KCTD7: variants seen among roughly 807,000 people sequenced by gnomAD.
KCTD7 encodes the protein BTB/POZ domain-containing protein KCTD7.
A neutral mutation model predicts 27.0 loss-of-function variants in KCTD7; 15 were observed. That is an observed-to-expected ratio of 0.56 (90% CI 0.37 to 0.86). The LOEUF is 0.86. Among genes scored for constraint, KCTD7 ranks in the 40% least tolerant of loss-of-function variants. The probability of loss-of-function intolerance (pLI) is 0.00; values close to 1 mark genes in which losing one functional copy is unlikely to be tolerated. For synonymous variants in KCTD7, 159 were observed against 162.7 expected, an observed-to-expected ratio of 0.98 and a Z score of 0.17; for missense variants, 299 against 398.9, an observed-to-expected ratio of 0.75 and a Z score of 2.13.
rs1187226753 is a variant in KCTD7, at chr7:66,638,854, A to G, written c.494-2A>G. On this transcript the variant is annotated splice_acceptor_variant, in intron 3 of 3. Transcript: ENST00000639828. LOFTEE classifies it high-confidence loss of function. The stretch of plus-strand genomic sequence containing the variant: ...TGATAGGTGTTGTGTTCATCCTTAT[A>G]GACCACTTGGAGCGGATTGTGGAGA... 1 of 1,613,958 alleles carries G rather than the reference A, an allele frequency of 6.2e-7. No homozygotes were observed. The highest frequency in any genetic ancestry group is 8.5e-7 in the Non-Finnish European group (1 of 1,180,020).
At chr7:66,632,601 CAGA>C (rs777650230) in intron 1 of KCTD7, among the ~76,000 whole-genome samples, 1 of 151,822 alleles carries the variant, frequency 6.6e-6, no homozygotes, top group Non-Finnish European at 1.5e-5. Context: ...GCCATATAGA[CAGA>C]AGAAGGAGAC....
intron 2 of KCTD7, among the ~76,000 whole-genome samples, chr7:66,635,081 C>T (rs1490173693): frequency 6.7e-6 from 1 of 149,704 alleles, no homozygotes; most frequent in East Asian, 2.0e-4. Flanking sequence ...GATGCAAGCA[C>T]AGCTCACTAC....
At chr7:66,643,102 C>T, downstream of KCTD7, 1 of 985,388 alleles carries the variant, frequency 1.0e-6, no homozygotes, top group South Asian at 4.7e-5. Flanking sequence ...TTCTCTGACC[C>T]CCACTTTGCC....
rs763830869 is a variant in KCTD7, at chr7:66,639,152, A to G, written c.790A>G (p.Ile264Val). 8 of 1,614,144 alleles carry G rather than the reference A, an allele frequency of 5.0e-6. No homozygotes were observed. Among genetic ancestry groups the G allele is most frequent in the Non-Finnish European group, 6.8e-6 (8 of 1,180,016 alleles). ...GGGTCTCACCGTGGACCACCAGTGC[A>G]TCGGGGTGTGTGACAAGCACCTCGT... ...AQGLTVDHQC[I>V]GVCDKHLVNH... Residue 264 changes from isoleucine to valine, a missense_variant, in exon 4 of 4, where the codon ATC becomes GTC. Transcript: ENST00000639828.
chr7:66,634,128 A>ATATATATATAT (rs1306450803), intron 2 of KCTD7, among the ~76,000 whole-genome samples: 1 of 146,264 alleles, frequency 6.8e-6, no homozygotes, highest in African/African-American at 2.5e-5. Context: ...ATATATATAT[A>ATATATATATAT]TATATATATG....
chr7:66,638,366 A>G lies in KCTD7; in HGVS notation c.428A>G (p.Asn143Ser), dbSNP rs1786634540. 6.2e-7 allele frequency: 1 copy of G among 1,614,246 alleles called. No individual in the cohort carries two copies. The highest frequency in any genetic ancestry group is 1.7e-5 in the Admixed American group (1 of 60,018). The change falls in exon 3 of 4, where the codon AAC (asparagine) becomes AGC (serine). Residue 143 changes from asparagine (N) to serine (S), a missense_variant. By Grantham distance (46) the Asn-to-Ser change is conservative. Coordinates refer to ENST00000639828, the MANE Select transcript of KCTD7 (RefSeq NM_153033.5). ...GGGCCCCTCCTGGAGCAGCTGGAGA[A>G]CATGCAGCCACTGAAGGGCGAGAAG... ...AIGPLLEQLENMQPLKGEKVR... is the reference protein window; with the variant it reads ...AIGPLLEQLESMQPLKGEKVR...
chr7:66,634,117 T>TATAA (rs1415595625), intron 2 of KCTD7, among the ~76,000 whole-genome samples: 4 of 132,664 alleles, frequency 3.0e-5, no homozygotes, highest in Non-Finnish European at 6.6e-5. Flanking sequence ...TGTATACATA[T>TATAA]ATATATATAT....
rs891415166 is a variant in KCTD7 at position 66,640,678 on chromosome 7, T to C, written c.*1446T>C. 8.5e-6 allele frequency: 11 copies of C among 1,294,846 alleles called. No homozygotes were observed. In the African/African-American group the frequency reaches 1.5e-4, roughly 18 times the overall value. 80.2% of individuals were successfully genotyped at this position (1,294,846 alleles called of 1,614,324 possible). On this transcript the variant is annotated 3_prime_UTR_variant, in exon 4 of 4. Coordinates refer to ENST00000639828, the MANE Select transcript of KCTD7 (RefSeq NM_153033.5). ...AGTCCCAGCTACTTGGGCACACGCC[T>C]GTAGTCCAGGCCACTCGAGCACACA...
chr7:66,642,792 CTG>C lies in KCTD7; in HGVS notation c.*3564_*3565del. The C allele has an allele frequency of 1.0e-6, 1 of 985,090 alleles. No individual in the cohort carries two copies. The highest frequency in any genetic ancestry group is 1.2e-6 in the Non-Finnish European group (1 of 829,898). 61.0% of individuals were successfully genotyped at this position (985,090 alleles called of 1,614,324 possible). On this transcript the variant is annotated 3_prime_UTR_variant, in exon 4 of 4. Transcript: ENST00000639828. Reference sequence around the variant, plus strand: ...TTTTGGAATTCTGAAAGAATCATATCTGTGTATATACATACTGAGTGGGGAAG... The same window carrying C: ...TTTTGGAATTCTGAAAGAATCATATCTGTATATACATACTGAGTGGGGAAG...
In KCTD7 at chr7:66,640,698, C is replaced by T. The variant is rs1786695521; in HGVS notation, c.*1466C>T. 1.1e-5 allele frequency: 14 copies of T among 1,232,204 alleles called. No individual in the cohort carries two copies. In the South Asian group the frequency reaches 2.9e-4, roughly 26 times the overall value. The allele number at this position is 1,232,204 out of a possible 1,614,324, so 76.3% of individuals were successfully genotyped here. A position where few individuals can be genotyped will look rare whatever the true frequency, so the allele number is the denominator to read the frequency against. On this transcript the variant is annotated 3_prime_UTR_variant, in exon 4 of 4. Coordinates refer to ENST00000639828, the MANE Select transcript of KCTD7 (RefSeq NM_153033.5). ...ACGCCTGTAGTCCAGGCCACTCGAG[C>T]ACACACCTGTAGTACCAGCTACTCT...
In KCTD7 at chr7:66,641,746, C is replaced by G. The variant is rs1048465447; in HGVS notation, c.*2514C>G. 1 of 985,410 alleles carries G rather than the reference C, an allele frequency of 1.0e-6. No individual in the cohort carries two copies. The highest frequency in any genetic ancestry group is 1.2e-6 in the Non-Finnish European group (1 of 829,942). 61.0% of individuals were successfully genotyped at this position (985,410 alleles called of 1,614,324 possible). A position where few individuals can be genotyped will look rare whatever the true frequency, so the allele number is the denominator to read the frequency against. On this transcript the variant is annotated 3_prime_UTR_variant, in exon 4 of 4. Coordinates refer to ENST00000639828, the MANE Select transcript of KCTD7 (RefSeq NM_153033.5). Reference sequence around the variant, plus strand: ...TTCAGTGGCCTAGTTTCGCCATTCTCTAATGAGAAACCAAGGCCAGGCTGA... The same window carrying G: ...TTCAGTGGCCTAGTTTCGCCATTCTGTAATGAGAAACCAAGGCCAGGCTGA...
chr7:66,630,123 C>T (rs538672126), intron 1 of KCTD7, among the ~76,000 whole-genome samples: 1 of 152,168 alleles, frequency 6.6e-6, no homozygotes, highest in Non-Finnish European at 1.5e-5. Flanking sequence ...GAAAATTAGC[C>T]AGGCTTGGTG....
At position 66,629,132 on chromosome 7, in the gene KCTD7, C is replaced by T. The variant is rs745360140; in HGVS notation, c.68C>T (p.Ala23Val). 13 of 1,536,658 alleles carry T rather than the reference C, an allele frequency of 8.5e-6. No homozygotes were observed. Among genetic ancestry groups the T allele is most frequent in the Non-Finnish European group, 1.0e-5 (12 of 1,143,912 alleles). Residue 23 changes from alanine to valine, a missense_variant, in exon 1 of 4, where the codon GCC (alanine) becomes GTC (valine). Transcript: ENST00000639828. ...GACGGTGCCATGTCCAGCTCTGACG[C>T]CGAAGACGACTTTCTGGAGCCGGCC... Reference protein sequence around the residue: ...RQDGAMSSSDAEDDFLEPATP... With the variant: ...RQDGAMSSSDVEDDFLEPATP...
intron 1 of KCTD7, among the ~76,000 whole-genome samples, chr7:66,630,141 C>T (rs1487398862): frequency 1.3e-5 from 2 of 152,020 alleles, no homozygotes; most frequent in African/African-American, 2.4e-5. Flanking sequence ...GTGGTGTGTG[C>T]CTGTAGTCCC....
chr7:66,639,650 T>C lies in KCTD7; in HGVS notation c.*418T>C, dbSNP rs1475432746. 8.2e-6 allele frequency: 11 copies of C among 1,343,000 alleles called. No homozygotes were observed. The highest frequency in any genetic ancestry group is 1.1e-5 in the Non-Finnish European group (11 of 1,045,524). The allele number at this position is 1,343,000 out of a possible 1,614,324, so 83.2% of individuals were successfully genotyped here. A position where few individuals can be genotyped will look rare whatever the true frequency, so the allele number is the denominator to read the frequency against. On this transcript the variant is annotated 3_prime_UTR_variant, in exon 4 of 4. Coordinates refer to ENST00000639828, the MANE Select transcript of KCTD7 (RefSeq NM_153033.5). ...CTGTTCAAGCGTCCCTCCCTTGTGC[T>C]CAGTATATTGGTGTGAACACGGAAC...
At position 66,639,273 on chromosome 7, in the gene KCTD7, A is replaced by AC; in HGVS notation, c.*43dup. 3 of 1,602,634 alleles carry AC rather than the reference A, an allele frequency of 1.9e-6. No homozygotes were observed. The highest frequency in any genetic ancestry group is 2.5e-6 in the Non-Finnish European group (3 of 1,179,934). On this transcript the variant is annotated 3_prime_UTR_variant, in exon 4 of 4. Transcript: ENST00000639828. ...GAGAGTCCCATCAGGGAGGATGTCC[A>AC]CCTTGCTTGGTGGCTCTGGGAGTAA...
intron 1 of KCTD7, among the ~76,000 whole-genome samples, chr7:66,630,000 G>A (rs1458297419): frequency 6.6e-6 from 1 of 152,186 alleles, no homozygotes; most frequent in Admixed American, 6.5e-5. Flanking sequence ...TACCAGGCAT[G>A]GTGGCTCACA....
Position 66,629,120 on chromosome 7 carries a change from C to G in KCTD7, c.56C>G (p.Ser19Cys). ...AGCCGTCGTCAGGACGGTGCCATGT[C>G]CAGCTCTGACGCCGAAGACGACTTT... ...PDSRRQDGAM[S>C]SSDAEDDFLE... Residue 19 changes from serine (S) to cysteine (C), a missense_variant, in exon 1 of 4, where the codon TCC (serine) becomes TGC (cysteine). Physicochemically the swap from Ser to Cys is moderately radical, Grantham distance 112 (BLOSUM62 -1). Coordinates refer to ENST00000639828, the MANE Select transcript of KCTD7 (RefSeq NM_153033.5). 1 of 1,538,686 alleles carries G rather than the reference C, an allele frequency of 6.5e-7. No homozygotes were observed. The highest frequency in any genetic ancestry group is 8.7e-7 in the Non-Finnish European group (1 of 1,144,940).
Position 66,641,768 on chromosome 7 carries a change from C to T in KCTD7, c.*2536C>T, listed in dbSNP as rs1382816698. The T allele has an allele frequency of 1.0e-6, 1 of 985,278 alleles. No homozygotes were observed. Among genetic ancestry groups the T allele is most frequent in the Non-Finnish European group, 1.2e-6 (1 of 829,952 alleles). The allele number at this position is 985,278 out of a possible 1,614,324, so 61.0% of individuals were successfully genotyped here. On this transcript the variant is annotated 3_prime_UTR_variant, in exon 4 of 4. Transcript: ENST00000639828. ...TCTCTAATGAGAAACCAAGGCCAGG[C>T]TGAAAAGTGCAATTAGATGTGGTGG...
Sources: gnomAD v4.1 joint callset for allele counts (sites outside exome capture counted in the v4.1 genomes callset) on GRCh38, gnomAD v4.1.1 for gene constraint, MANE v1.5 for transcripts, NCBI Gene and HGNC (gene_info 2026-07-23, HGNC 2026-07-21) for gene names.